CEACAM7: variants seen among roughly 807,000 people sequenced by gnomAD.
CEACAM7 encodes the protein cell adhesion molecule CEACAM7.
Under a neutral mutation model 25.7 loss-of-function variants are expected in CEACAM7, and 24 were observed. The observed-to-expected ratio is 0.93, with a 90% CI of 0.68 to 1.31. CEACAM7 has a LOEUF of 1.31. Among genes scored for constraint, CEACAM7 ranks in the 40% most tolerant of loss-of-function variants. The pLI is 0.00. For synonymous variants in CEACAM7, 144 were observed against 129.4 expected, an observed-to-expected ratio of 1.11 and a Z score of -0.77; for missense variants, 324 against 330.1, an observed-to-expected ratio of 0.98 and a Z score of 0.14.
rs377582918 is a variant in CEACAM7, at chr19:41,686,921, G to A, written c.365C>T (p.Thr122Ile). The change falls in exon 2 of 5, where the codon ACC becomes ATC. Residue 122 changes from threonine (T) to isoleucine (I), a missense_variant. Thr to Ile is a moderately conservative substitution (Grantham distance 89, BLOSUM62 -1). Coordinates refer to ENST00000401731, the MANE Select transcript of CEACAM7 (RefSeq NM_001291485.2). ...AAGATTTTCTTTTATAACGTGTAGGGTATAGATTCCTGCGTCATTGTGGGT... is the reference window on the plus strand; with the variant it reads ...AAGATTTTCTTTTATAACGTGTAGGATATAGATTCCTGCGTCATTGTGGGT... ...NVTHNDAGIY[T>I]LHVIKENLVN... 4 of 1,587,062 alleles carry A rather than the reference G, an allele frequency of 2.5e-6. No individual in the cohort carries two copies. In the African/African-American group the frequency reaches 4.1e-5, roughly 16 times the overall value.
intron 1 of CEACAM7, 86 bp downstream of exon 1, chr19:41,688,016 C>G (rs937082073): frequency 1.1e-5 from 13 of 1,230,854 alleles, no homozygotes; most frequent in Non-Finnish European, 1.4e-5. Context: ...CCCTTTGTCC[C>G]CTCTCAGAGC....
At chr19:41,686,291 G>T (rs1020860327) in intron 2 of CEACAM7, among the ~76,000 whole-genome samples, 11 of 152,188 alleles carry the variant, frequency 7.2e-5, no homozygotes, top group African/African-American at 9.7e-5. Context: ...TGAGTCTCAG[G>T]TGAAGGATGA....
chr19:41,680,106 C>T (rs1468594953), intron 3 of CEACAM7, among the ~76,000 whole-genome samples: 4 of 149,722 alleles, frequency 2.7e-5, no homozygotes, highest in South Asian at 2.1e-4. Context: ...ATGTGTAAGC[C>T]GTTGCATCCA....
At chr19:41,685,699 A>T (rs1469064705) in intron 2 of CEACAM7, among the ~76,000 whole-genome samples, 1 of 152,162 alleles carries the variant, frequency 6.6e-6, no homozygotes, top group Non-Finnish European at 1.5e-5. Context: ...GAAACACAGG[A>T]TTTCAGGTCC....
chr19:41,674,606 G>T lies in CEACAM7; in HGVS notation c.*170C>A. 2.9e-6 allele frequency: 1 copy of T among 345,508 alleles called. No individual in the cohort carries two copies. The highest frequency in any genetic ancestry group is 5.7e-6 in the Non-Finnish European group (1 of 174,228). 21.4% of individuals were successfully genotyped at this position (345,508 alleles called of 1,614,324 possible). A position where few individuals can be genotyped will look rare whatever the true frequency, so the allele number is the denominator to read the frequency against. ...TCTGAGTGGCCCACATCTCAGGCAT[G>T]AGGGTTTTTCCTTGAAATTTACATT... On this transcript the variant is annotated 3_prime_UTR_variant, in exon 5 of 5. Coordinates refer to ENST00000401731, the MANE Select transcript of CEACAM7 (RefSeq NM_001291485.2).
At chr19:41,679,187 T>C (rs1352024013) in intron 3 of CEACAM7, among the ~76,000 whole-genome samples, 1 of 152,150 alleles carries the variant, frequency 6.6e-6, no homozygotes, top group Non-Finnish European at 1.5e-5. Flanking sequence ...TTACTACCAA[T>C]TTTACAGAAA....
Position 41,687,030 on chromosome 19 carries a change from T to TAGG in CEACAM7, c.255_256insCCT (p.Asn85_Ile86insPro). The TAGG allele has an allele frequency of 6.2e-7, 1 of 1,614,118 alleles. No individual in the cohort carries two copies. Among genetic ancestry groups the TAGG allele is most frequent in the Non-Finnish European group, 8.5e-7 (1 of 1,179,984 alleles). ...GGCCCTGGGGCATTTTCTTGACTTA[T>TAGG]ATTTTTTACATATCCTATAATTCGA... On this transcript the variant is annotated inframe_insertion, in exon 2 of 5. Coordinates refer to ENST00000401731, the MANE Select transcript of CEACAM7 (RefSeq NM_001291485.2).
intron 2 of CEACAM7, among the ~76,000 whole-genome samples, chr19:41,684,863 G>C (rs2072211647): frequency 6.6e-6 from 1 of 152,184 alleles, no homozygotes. Flanking sequence ...CCCAACACAG[G>C]CATGAGAAAT....
intron 2 of CEACAM7, among the ~76,000 whole-genome samples, chr19:41,685,636 G>C (rs2072219013): frequency 6.6e-6 from 1 of 152,150 alleles, no homozygotes; most frequent in Non-Finnish European, 1.5e-5. Context: ...AGTGGGGAGA[G>C]AAAGCAAAGT....
intron 3 of CEACAM7, among the ~76,000 whole-genome samples, 189 bp from the exon 4 acceptor site, chr19:41,677,692 A>T (rs1186326765): frequency 3.3e-5 from 5 of 152,206 alleles, no homozygotes; most frequent in Non-Finnish European, 5.9e-5. Context: ...CCAGGTTTCC[A>T]GGTTGATGGT....
intron 4 of CEACAM7, among the ~76,000 whole-genome samples, chr19:41,675,227 A>G (rs1332748352): frequency 6.6e-6 from 1 of 152,212 alleles, no homozygotes; most frequent in Non-Finnish European, 1.5e-5. Flanking sequence ...TATTTTCATA[A>G]CAATGTGAAC....
At chr19:41,679,338 G>A (rs567126475) in intron 3 of CEACAM7, among the ~76,000 whole-genome samples, 4 of 152,196 alleles carry the variant, frequency 2.6e-5, no homozygotes, top group East Asian at 1.9e-4. Flanking sequence ...AACTACTAGG[G>A]AGACTGAACC....
At chr19:41,686,029 C>T (rs3826894) in intron 2 of CEACAM7, among the ~76,000 whole-genome samples, 79,189 of 151,462 alleles carry the variant, frequency 0.52, 20,942 homozygotes, top group Middle Eastern at 0.62. Flanking sequence ...TGTGAATTTA[C>T]CTTAAAATAA....
chr19:41,676,945 G>C (rs147760563), intron 4 of CEACAM7, among the ~76,000 whole-genome samples: 2 of 152,206 alleles, frequency 1.3e-5, no homozygotes, highest in Non-Finnish European at 2.9e-5. Context: ...TAATGGGCTA[G>C]AGTAGGCCGC....
At chr19:41,681,006 T>G (rs1555810648) in intron 3 of CEACAM7, among the ~76,000 whole-genome samples, 1 of 152,074 alleles carries the variant, frequency 6.6e-6, no homozygotes, top group African/African-American at 2.4e-5. Flanking sequence ...GAGAAAATAT[T>G]TGCAAATCAT....
intron 4 of CEACAM7, among the ~76,000 whole-genome samples, chr19:41,675,111 A>G (rs1555810008): frequency 2.0e-5 from 3 of 152,214 alleles, no homozygotes; most frequent in Non-Finnish European, 1.5e-5. Context: ...TTCTATGTAT[A>G]TTTCCAAATA....
chr19:41,678,917 T>C (rs1364337865), intron 3 of CEACAM7, among the ~76,000 whole-genome samples: 2 of 152,174 alleles, frequency 1.3e-5, no homozygotes, highest in Admixed American at 6.5e-5. Flanking sequence ...TATAAATACA[T>C]ACATTTAAAA....
intron 3 of CEACAM7, among the ~76,000 whole-genome samples, chr19:41,678,593 A>C (rs1173801096): frequency 1.3e-5 from 2 of 152,162 alleles, no homozygotes; most frequent in African/African-American, 4.8e-5. Flanking sequence ...GCTGTAAAAT[A>C]ATACTGTCAG....
intron 3 of CEACAM7, among the ~76,000 whole-genome samples, chr19:41,679,801 CTTTTTT>C (rs34340713): frequency 1.8e-5 from 2 of 111,926 alleles, no homozygotes; most frequent in Non-Finnish European, 3.5e-5. Context: ...CTCTCTCTCT[CTTTTTT>C]TTTTTTTTTT....
Sources: allele counts gnomAD v4.1 joint callset (sites outside exome capture counted in the v4.1 genomes callset), GRCh38; gene constraint gnomAD v4.1.1; transcripts MANE v1.5; gene names NCBI Gene and HGNC (gene_info 2026-07-23, HGNC 2026-07-21).